COL22A1: variants seen among roughly 807,000 people sequenced by gnomAD.
The protein encoded by COL22A1 is collagen alpha-1(XXII) chain.
In COL22A1, 221 loss-of-function variants were observed where a neutral mutation model predicts 248.9. The ratio of observed to expected loss-of-function variants is 0.89; its 90% CI spans 0.80 to 0.99. The LOEUF (loss-of-function observed/expected upper bound fraction) is 0.99, where lower values mean the gene tolerates loss of function less well. COL22A1 is among the 50% of genes least tolerant of loss of function. The pLI, the probability that COL22A1 is intolerant of heterozygous loss-of-function variation, is 0.00. For missense variants in COL22A1, 2,240 were observed against 2,179.0 expected (o/e 1.03, Z -0.56); for synonymous variants, 891 against 793.4 (o/e 1.12, Z -2.07).
intron 3 of COL22A1, among the ~76,000 whole-genome samples, chr8:138,867,120 CAACCTGCTATCCCAGTGTGAGAGCAG>C (rs557887761): frequency 3.9e-4 from 59 of 152,334 alleles, no homozygotes; most frequent in African/African-American, 1.3e-3. Context: ...CTTAAAGACT[CAACCTGCTATCCCAGTGTGAGAGCAG>C]CCATCGACAA....
chr8:138,878,321 AG>A lies in COL22A1; in HGVS notation c.92-6del. 1 of 1,526,330 alleles carries A rather than the reference AG, an allele frequency of 6.6e-7. No homozygotes were observed. The highest frequency in any genetic ancestry group is 8.8e-7 in the Non-Finnish European group (1 of 1,132,614). 94.5% of individuals were successfully genotyped at this position (1,526,330 alleles called of 1,614,324 possible). ...CGTAGTGGACACTTTTGCAACCTGC[AG>A]GGGTGAGAGAAGGGGTGGCGTAGGG... On this transcript the variant is annotated splice_region_variant and splice_polypyrimidine_tract_variant and intron_variant, in intron 2 of 64. Transcript: ENST00000303045.
chr8:138,750,571 A>T (rs1394464740), intron 22 of COL22A1, among the ~76,000 whole-genome samples: 1 of 152,148 alleles, frequency 6.6e-6, no homozygotes, highest in Non-Finnish European at 1.5e-5. Flanking sequence ...AGGCTAAGAG[A>T]GGCCATACGT....
chr8:138,664,126 C>A (rs916469805), intron 41 of COL22A1, among the ~76,000 whole-genome samples: 1 of 150,766 alleles, frequency 6.6e-6, no homozygotes, highest in Non-Finnish European at 1.5e-5. Context: ...ATGATAACGA[C>A]CACATTCCCC....
intron 47 of COL22A1, among the ~76,000 whole-genome samples, chr8:138,643,006 G>GCAA (rs1821851825): frequency 6.6e-6 from 1 of 150,632 alleles, no homozygotes; most frequent in Non-Finnish European, 1.5e-5. Context: ...TCCAGCCTGG[G>GCAA]CAACAGAGCA....
chr8:138,778,177 T>C, intron 15 of COL22A1, 176 bp downstream of exon 15: 3 of 727,018 alleles, frequency 4.1e-6, no homozygotes, highest in Non-Finnish European at 7.4e-6. Flanking sequence ...GTGATTCTTA[T>C]GGACTGTAAC....
Position 138,718,629 on chromosome 8 carries a change from T to C in COL22A1, c.2356-1760A>G, listed in dbSNP as rs1028126511. Among the ~76,000 whole-genome samples the C allele has an allele frequency of 3.9e-5, 6 of 152,238 alleles. No individual in the cohort carries two copies. The East Asian group carries it at 5.8e-4, about 15-fold the overall frequency. On this transcript the variant is annotated intron_variant, in intron 27 of 64. Coordinates refer to ENST00000303045, the MANE Select transcript of COL22A1 (RefSeq NM_152888.3). ...TCATCATCATCTTGGAAAATAATTTTTATCTTCAGTTGATGCTTTGTCAAA... is the reference window on the plus strand; with the variant it reads ...TCATCATCATCTTGGAAAATAATTTCTATCTTCAGTTGATGCTTTGTCAAA...
chr8:138,789,849 T>C (rs1815874962), intron 12 of COL22A1, among the ~76,000 whole-genome samples: 1 of 152,204 alleles, frequency 6.6e-6, no homozygotes, highest in Admixed American at 6.5e-5. Flanking sequence ...GCCTGGAACA[T>C]TAAGAGGTCA....
intron 22 of COL22A1, among the ~76,000 whole-genome samples, chr8:138,740,963 C>T (rs1187932689): frequency 6.6e-6 from 1 of 152,166 alleles, no homozygotes. Flanking sequence ...CCTTCAGGCC[C>T]TCCTGGGCCA....
intron 60 of COL22A1, 78 bp downstream of exon 60, chr8:138,602,037 A>G (rs1030371545): frequency 3.3e-6 from 5 of 1,518,226 alleles, no homozygotes; most frequent in Non-Finnish European, 4.6e-6. Context: ...CCTTGGACAA[A>G]GGCCAGGCTC....
At chr8:138,673,501 G>T (rs1357457396) in intron 41 of COL22A1, among the ~76,000 whole-genome samples, 2 of 152,158 alleles carry the variant, frequency 1.3e-5, no homozygotes, top group Non-Finnish European at 2.9e-5. Flanking sequence ...GAGCCACCAT[G>T]CCCGGCCCCA....
chr8:138,670,859 G>A (rs568429947), intron 41 of COL22A1, among the ~76,000 whole-genome samples: 2 of 151,200 alleles, frequency 1.3e-5, no homozygotes, highest in South Asian at 2.1e-4. Flanking sequence ...TACTCAGGAG[G>A]CTGAGGTGGG....
chr8:138,722,144 T>G (rs770088578), intron 25 of COL22A1, 55 bp from the exon 26 acceptor site: 99 of 1,443,216 alleles, frequency 6.9e-5, no homozygotes, highest in Non-Finnish European at 8.6e-5. Flanking sequence ...TAGGAAAGGC[T>G]TACATTAAGT....
chr8:138,643,929 G>A (rs191188680), intron 47 of COL22A1, among the ~76,000 whole-genome samples: 1 of 151,960 alleles, frequency 6.6e-6, no homozygotes, highest in Non-Finnish European at 1.5e-5. Context: ...TTACAGATGT[G>A]CACAACCATC....
In COL22A1 at chr8:138,694,516, C is replaced by T. The variant is rs1452232715; in HGVS notation, c.2692G>A (p.Gly898Arg). ...PGELGPQGPT[G>R]PPGAKGQEGA... ...AGGGATGGTTTTCTTACCGGTGGTC[C>T]AGTGGGTCCCTGAGGCCCCAATTCT... The change falls in exon 34 of 65, where the codon GGA becomes AGA. Residue 898 changes from glycine to arginine, a missense_variant. Gly to Arg is a moderately radical substitution (Grantham distance 125). Coordinates refer to ENST00000303045, the MANE Select transcript of COL22A1 (RefSeq NM_152888.3). 6.2e-7 allele frequency: 1 copy of T among 1,613,850 alleles called. No individual in the cohort carries two copies. The highest frequency in any genetic ancestry group is 1.3e-5 in the African/African-American group (1 of 74,898).
At chr8:138,730,631 T>G (rs1017315742) in intron 23 of COL22A1, among the ~76,000 whole-genome samples, 1 of 152,188 alleles carries the variant, frequency 6.6e-6, no homozygotes, top group Non-Finnish European at 1.5e-5. Context: ...AGAATTGTTT[T>G]GTATAAAAAC....
At chr8:138,638,452 C>T (rs879794107) in intron 47 of COL22A1, among the ~76,000 whole-genome samples, 2 of 152,048 alleles carry the variant, frequency 1.3e-5, no homozygotes, top group Admixed American at 6.5e-5. Context: ...GGGTCCAGTG[C>T]CCCACAGTTC....
chr8:138,598,830 G>T lies in COL22A1; in HGVS notation c.4254C>A (p.Ile1418=). The change falls in exon 61 of 65, where the codon ATC becomes ATA. Residue 1418 remains isoleucine (I), a synonymous_variant. Transcript: ENST00000303045. ...GGCCTGTGTGGCCTTTGTGGCCTGGGATTCCAGGGTCCCCAGGCTGGCCTT... is the reference window on the plus strand; with the variant it reads ...GGCCTGTGTGGCCTTTGTGGCCTGGTATTCCAGGGTCCCCAGGCTGGCCTT... ...GGKGQPGDPG[I]PGHKGHTGLM... The T allele has an allele frequency of 6.2e-7, 1 of 1,614,162 alleles. No individual in the cohort carries two copies. The highest frequency in any genetic ancestry group is 8.5e-7 in the Non-Finnish European group (1 of 1,180,020).
chr8:138,877,881 C>T lies in COL22A1; in HGVS notation c.527G>A (p.Gly176Asp). The T allele has an allele frequency of 6.2e-7, 1 of 1,612,840 alleles. No homozygotes were observed. The highest frequency in any genetic ancestry group is 1.1e-5 in the South Asian group (1 of 90,948). ...HRAGIRIFAV[G>D]VGEALKEELE... ...CTCCTCCTTGAGTGCCTCGCCCACG[C>T]CCACGGCAAAGATGCGGATGCCAGC... Residue 176 changes from glycine (G) to aspartate (D), a missense_variant, in exon 3 of 65, where the codon GGC becomes GAC. Transcript: ENST00000303045.
chr8:138,782,368 TCAC>T (rs1394418002), intron 12 of COL22A1, among the ~76,000 whole-genome samples: 8 of 152,294 alleles, frequency 5.3e-5, no homozygotes, highest in African/African-American at 1.9e-4. Flanking sequence ...CATGCACACA[TCAC>T]CACATCTGGC....
Sources: allele counts gnomAD v4.1 joint callset (sites outside exome capture counted in the v4.1 genomes callset), GRCh38; gene constraint gnomAD v4.1.1; transcripts MANE v1.5; gene names NCBI Gene and HGNC (gene_info 2026-07-23, HGNC 2026-07-21).